The following PLXNA4 variants were observed in gnomAD, a reference collection of about 807,000 sequenced individuals.
The protein encoded by PLXNA4 is plexin-A4.
PLXNA4 carries 44 observed loss-of-function variants against 191.8 expected under a neutral mutation model. The ratio of observed to expected loss-of-function variants is 0.23; its 90% CI spans 0.18 to 0.29. The LOEUF (loss-of-function observed/expected upper bound fraction) is 0.29. Among genes scored for constraint, PLXNA4 ranks in the 10% least tolerant of loss-of-function variants. The pLI is 1.00. For synonymous variants in PLXNA4, 1,082 were observed against 1,009.5 expected, an observed-to-expected ratio of 1.07 and a Z score of -1.36; for missense variants, 1,800 against 2,488.8, an observed-to-expected ratio of 0.72 and a Z score of 5.89.
intron 1 of PLXNA4, among the ~76,000 whole-genome samples, chr7:132,560,248 A>C (rs1257156566): frequency 2.6e-5 from 4 of 152,188 alleles, no homozygotes; most frequent in African/African-American, 9.7e-5. Context: ...GGGAACAAGC[A>C]GAACAGAGGC....
Position 132,146,538 on chromosome 7 carries a change from A to C in PLXNA4, c.5027T>G (p.Ile1676Ser). The C allele has an allele frequency of 6.2e-7, 1 of 1,614,038 alleles. No homozygotes were observed. Among genetic ancestry groups the C allele is most frequent in the Non-Finnish European group, 8.5e-7 (1 of 1,180,006 alleles). The change falls in exon 28 of 32, where the codon ATC (isoleucine) becomes AGC (serine). Residue 1676 changes from isoleucine (I) to serine (S), a missense_variant. Around this residue, in one of 6 missense-constraint regions of PLXNA4, gnomAD observed 4 missense variants for 22.8 expected, o/e 0.18. Coordinates refer to ENST00000321063, the MANE Select transcript of PLXNA4 (RefSeq NM_020911.2). ...GDRGSKMVSE[I>S]YLTRLLATKG... ...AGTGGCCAGGAGTCGGGTCAGGTAGATTTCAGACACCATCTTGCTCCCCCG... is the reference window on the plus strand; with the variant it reads ...AGTGGCCAGGAGTCGGGTCAGGTAGCTTTCAGACACCATCTTGCTCCCCCG...
At position 132,256,078 on chromosome 7, in the gene PLXNA4, C is replaced by T. The variant is rs117941203; in HGVS notation, c.1504-14912G>A. Among the ~76,000 whole-genome samples the T allele has an allele frequency of 1.4e-4, 22 of 152,278 alleles. No individual in the cohort carries two copies. The East Asian group carries it at 3.3e-3, about 23-fold the overall frequency. On this transcript the variant is annotated intron_variant, in intron 4 of 31. Coordinates refer to ENST00000321063, the MANE Select transcript of PLXNA4 (RefSeq NM_020911.2). ...AAGTACAAGAGGCCGTGCTGTGTGC[C>T]GGCATGTTGGGACATGAGTTGGCAC...
Position 132,508,532 on chromosome 7 carries a change from C to G in PLXNA4, c.162G>C (p.Leu54=). 1 of 1,614,186 alleles carries G rather than the reference C, an allele frequency of 6.2e-7. No homozygotes were observed. The highest frequency in any genetic ancestry group is 8.5e-7 in the Non-Finnish European group (1 of 1,180,028). The part of the protein sequence containing the change: ...RGEPAEGFNH[L]VVDERTGHIY... The stretch of plus-strand genomic sequence containing the variant: ...TGTGTCCTGTCCTCTCATCCACCAC[C>G]AGGTGATTGAAACCCTCGGCGGGCT... The change falls in exon 2 of 32, where the codon CTG becomes CTC. Residue 54 remains leucine (L), a synonymous_variant. Transcript: ENST00000321063. The surrounding 1 kb of genome is among the most constrained non-coding windows in gnomAD (Gnocchi z 4.4).
At chr7:132,218,907 A>G (rs1454745488) in intron 9 of PLXNA4, among the ~76,000 whole-genome samples, 1 of 152,234 alleles carries the variant, frequency 6.6e-6, no homozygotes, top group Non-Finnish European at 1.5e-5. Flanking sequence ...ATATAATAAC[A>G]ACAATGATTG....
At chr7:132,299,908 T>G (rs750696359) in intron 3 of PLXNA4, among the ~76,000 whole-genome samples, 5 of 152,080 alleles carry the variant, frequency 3.3e-5, no homozygotes, top group Non-Finnish European at 5.9e-5. Context: ...AGAATGAACT[T>G]GCGGCTCAAA....
chr7:132,336,822 G>A (rs1296628642), intron 3 of PLXNA4, among the ~76,000 whole-genome samples: 1 of 152,350 alleles, frequency 6.6e-6, no homozygotes, highest in East Asian at 1.9e-4. Flanking sequence ...TTCCTCTGAT[G>A]CCCTTGACCA....
rs1794694030 is a variant in PLXNA4, at chr7:132,123,631, G to A, written c.*6848C>T. On this transcript the variant is annotated 3_prime_UTR_variant, in exon 32 of 32. Transcript: ENST00000321063. ...AGAGATCTCATCCACATACATTTGA[G>A]GCTCATTTTAACACTGTTGTCTAAA... is the stretch of plus-strand genomic sequence containing the variant. 6.6e-6 allele frequency: 1 copy of A among 151,848 alleles called. No homozygotes were observed. Among genetic ancestry groups the A allele is most frequent in the South Asian group, 2.1e-4 (1 of 4,806 alleles). The allele number at this position is 151,848 out of a possible 1,614,324, so 9.4% of individuals were successfully genotyped here.
At chr7:132,454,082 C>A (rs922012741) in intron 3 of PLXNA4, among the ~76,000 whole-genome samples, 1 of 152,182 alleles carries the variant, frequency 6.6e-6, no homozygotes, top group African/African-American at 2.4e-5. Flanking sequence ...TCTGTCATCA[C>A]CACACTTTCC....
In PLXNA4 at chr7:132,164,160, C is replaced by T; in HGVS notation, c.4482G>A (p.Gln1494=). ...SLSEDKLIRQ[Q]IDYKTLVLSC... is the part of the protein sequence containing the mutation. ...GGCTCACCAGGGTTTTGTAGTCAATCTGCTGGCGGATGAGCTTGTCCTCGC... is the reference window on the plus strand; with the variant it reads ...GGCTCACCAGGGTTTTGTAGTCAATTTGCTGGCGGATGAGCTTGTCCTCGC... The change falls in exon 24 of 32, where the codon CAG becomes CAA. Residue 1494 remains glutamine, a synonymous_variant. Transcript: ENST00000321063. The T allele has an allele frequency of 1.2e-6, 2 of 1,614,132 alleles. No homozygotes were observed. Among genetic ancestry groups the T allele is most frequent in the Non-Finnish European group, 8.5e-7 (1 of 1,180,048 alleles).
intron 3 of PLXNA4, among the ~76,000 whole-genome samples, chr7:132,327,549 C>T (rs907359441): frequency 2.0e-5 from 3 of 152,088 alleles, no homozygotes; most frequent in African/African-American, 7.2e-5. Flanking sequence ...AAGCTAGGTC[C>T]TCTCTGACTG....
At chr7:132,239,868 T>C (rs1386976602) in intron 5 of PLXNA4, among the ~76,000 whole-genome samples, 2 of 152,196 alleles carry the variant, frequency 1.3e-5, no homozygotes, top group Admixed American at 1.3e-4. Context: ...TACTTCAGTG[T>C]AGCTCAGTGG....
Position 132,645,524 on chromosome 7 carries a change from T to C in PLXNA4, c.-87+404A>G, listed in dbSNP as rs182899217. 1.8e-3 allele frequency among the ~76,000 whole-genome samples: 278 copies of C among 152,326 alleles called. 1 individual carries two copies. Among genetic ancestry groups the C allele is most frequent in the East Asian group, 1.7e-3 (9 of 5,186 alleles). On this transcript the variant is annotated intron_variant, in intron 2 of 4. Transcript: ENST00000378539. ...TCTTTTCATTATAAATTACCCAGTC[T>C]TGGTTGTTTCTTTATAGCAGTGTGA...
At chr7:132,467,695 G>A (rs76443093) in intron 3 of PLXNA4, among the ~76,000 whole-genome samples, 9,367 of 152,208 alleles carry the variant, frequency 0.062, 831 homozygotes, top group East Asian at 0.29. Flanking sequence ...CAGACTCCCA[G>A]CCTATTCCCA....
At chr7:132,458,107 G>A (rs922751963) in intron 3 of PLXNA4, among the ~76,000 whole-genome samples, 2 of 152,092 alleles carry the variant, frequency 1.3e-5, no homozygotes, top group African/African-American at 4.8e-5. Context: ...CTCATTGGGC[G>A]AATATACCCA....
chr7:132,394,741 C>T (rs186910306), intron 3 of PLXNA4, among the ~76,000 whole-genome samples: 9 of 152,238 alleles, frequency 5.9e-5, no homozygotes, highest in Admixed American at 2.0e-4. Context: ...TATGAAGAAC[C>T]TTTCCCCACT....
At chr7:132,540,569 C>CTATTTTTTT (rs1800030295) in intron 1 of PLXNA4, among the ~76,000 whole-genome samples, 1 of 60,976 alleles carries the variant, frequency 1.6e-5, no homozygotes, top group African/African-American at 7.1e-5. Flanking sequence ...GTGGACCGTT[C>CTATTTTTTT]TTTTTTTTTT....
chr7:132,529,675 G>A (rs759402400), intron 1 of PLXNA4, among the ~76,000 whole-genome samples: 60 of 149,000 alleles, frequency 4.0e-4, no homozygotes, highest in Non-Finnish European at 7.2e-4. Flanking sequence ...GTGCGATCTC[G>A]GCTCACTGCA....
intron 4 of PLXNA4, among the ~76,000 whole-genome samples, chr7:132,288,089 A>C (rs1475580905): frequency 6.6e-6 from 1 of 152,130 alleles, no homozygotes; most frequent in Non-Finnish European, 1.5e-5. Context: ...GGGGCTGGGA[A>C]AGGCATTGCA....
intron 13 of PLXNA4, among the ~76,000 whole-genome samples, chr7:132,197,050 T>C (rs1319790349): frequency 1.3e-5 from 2 of 152,210 alleles, no homozygotes; most frequent in Non-Finnish European, 2.9e-5. Context: ...GCACAAGTTT[T>C]AAGGTTTTAT....
Sources: gnomAD v4.1 joint callset for allele counts (sites outside exome capture counted in the v4.1 genomes callset) on GRCh38, gnomAD v4.1.1 for gene constraint, gnomAD v4.1.1 regional missense constraint, Gnocchi (gnomAD v3.1) non-coding constraint, MANE v1.5 for transcripts, NCBI Gene and HGNC (gene_info 2026-07-23, HGNC 2026-07-21) for gene names.